The following ARHGAP24 variants were observed in gnomAD, a reference collection of about 807,000 sequenced individuals.
ARHGAP24 encodes the protein Rho GTPase activating protein 24, also known as rho GTPase-activating protein 24.
Under a neutral mutation model 76.4 loss-of-function variants are expected in ARHGAP24, and 50 were observed. That is an observed-to-expected ratio of 0.65 (90% confidence interval 0.52 to 0.83). The LOEUF (loss-of-function observed/expected upper bound fraction) is 0.83, where lower values mean the gene tolerates loss of function less well. Among genes scored for constraint, ARHGAP24 ranks in the 40% least tolerant of loss-of-function variants. The pLI, the probability that ARHGAP24 is intolerant of heterozygous loss-of-function variation, is 0.00. For synonymous variants in ARHGAP24, 345 were observed against 323.3 expected (o/e 1.07, Z -0.72); for missense variants, 930 against 914.2 (o/e 1.02, Z -0.22).
At chr4:85,925,030 G>A (rs989542206) in intron 4 of ARHGAP24, among the ~76,000 whole-genome samples, 5 of 152,132 alleles carry the variant, frequency 3.3e-5, no homozygotes, top group Non-Finnish European at 7.3e-5. Context: ...AAGTGACTAT[G>A]TAAAATATTT....
In ARHGAP24 at chr4:86,001,091, T is replaced by C. The variant is rs1275627001; in HGVS notation, c.*369T>C. On this transcript the variant is annotated 3_prime_UTR_variant, in exon 10 of 10. Coordinates refer to ENST00000395184, the MANE Select transcript of ARHGAP24 (RefSeq NM_001025616.3). ...CACCCCTTGCACTTAACATAAGCTA[T>C]TTTTGGCATTGTGTTATCATCGGCT... 1.0e-5 allele frequency: 4 copies of C among 399,798 alleles called. No individual in the cohort carries two copies. Among genetic ancestry groups the C allele is most frequent in the African/African-American group, 6.2e-5 (3 of 48,748 alleles). 24.8% of individuals were successfully genotyped at this position (399,798 alleles called of 1,614,324 possible).
chr4:85,988,030 C>T (rs941217149), intron 8 of ARHGAP24, among the ~76,000 whole-genome samples: 12 of 151,764 alleles, frequency 7.9e-5, no homozygotes, highest in East Asian at 1.9e-4. Flanking sequence ...CTTTGAAGTA[C>T]TGAAAAAAAT....
intron 2 of ARHGAP24, among the ~76,000 whole-genome samples, chr4:85,705,215 T>A (rs1724267470): frequency 6.6e-6 from 1 of 151,980 alleles, no homozygotes; most frequent in African/African-American, 2.4e-5. Context: ...ATTAATGAAA[T>A]ATGAGATTTT....
intron 5 of ARHGAP24, among the ~76,000 whole-genome samples, chr4:85,950,331 A>AG (rs983107984): frequency 1.9e-4 from 29 of 151,530 alleles, no homozygotes; most frequent in Non-Finnish European, 4.0e-4. Flanking sequence ...TCTCTACAAA[A>AG]AAAAAATCAA....
chr4:85,986,068 C>G (rs1439560266), intron 8 of ARHGAP24, among the ~76,000 whole-genome samples: 1 of 152,190 alleles, frequency 6.6e-6, no homozygotes, highest in Admixed American at 6.5e-5. Flanking sequence ...TTGCAGTCAA[C>G]TGACATGAAT....
At chr4:85,761,813 A>G (rs564758176) in intron 3 of ARHGAP24, among the ~76,000 whole-genome samples, 1 of 152,272 alleles carries the variant, frequency 6.6e-6, no homozygotes, top group South Asian at 2.1e-4. Flanking sequence ...GGTTACTACA[A>G]ACGCTTTAAC....
chr4:85,520,598 T>G (rs1390387968), intron 1 of ARHGAP24, among the ~76,000 whole-genome samples: 2 of 152,176 alleles, frequency 1.3e-5, no homozygotes, highest in African/African-American at 4.8e-5. Context: ...GCATTCTACC[T>G]TCCTACTTAT....
chr4:85,503,137 T>C (rs1043817762), intron 1 of ARHGAP24, among the ~76,000 whole-genome samples: 2 of 152,196 alleles, frequency 1.3e-5, no homozygotes, highest in Non-Finnish European at 2.9e-5. Context: ...TTACTAAGGA[T>C]TTTTGCATCG....
At chr4:85,733,810 C>T (rs1725506113) in intron 3 of ARHGAP24, among the ~76,000 whole-genome samples, 1 of 152,104 alleles carries the variant, frequency 6.6e-6, no homozygotes, top group African/African-American at 2.4e-5. Context: ...CCCTCATCAC[C>T]TCATTTTAAA....
intron 4 of ARHGAP24, among the ~76,000 whole-genome samples, chr4:85,933,769 C>T (rs1263079654): frequency 1.3e-5 from 2 of 152,170 alleles, no homozygotes; most frequent in Non-Finnish European, 2.9e-5. Flanking sequence ...GCACTTGGGT[C>T]TAGTCGTAAG....
chr4:85,803,926 A>C (rs1274408888), intron 3 of ARHGAP24, among the ~76,000 whole-genome samples: 1 of 151,732 alleles, frequency 6.6e-6, no homozygotes, highest in African/African-American at 2.4e-5. Context: ...ATAAATGGAC[A>C]AATTCTTTTT....
At chr4:85,918,264 A>T (rs1735530266) in intron 3 of ARHGAP24, among the ~76,000 whole-genome samples, 4 of 151,986 alleles carry the variant, frequency 2.6e-5, no homozygotes, top group Non-Finnish European at 4.4e-5. Flanking sequence ...TAAAATTTAT[A>T]TATCTACTTT....
intron 5 of ARHGAP24, among the ~76,000 whole-genome samples, chr4:85,971,047 T>C (rs1738941685): frequency 6.6e-6 from 1 of 152,214 alleles, no homozygotes; most frequent in African/African-American, 2.4e-5. Context: ...TAAAGGACGT[T>C]AAGTTTTCAT....
rs371412055 is a variant in ARHGAP24, at chr4:85,867,910, C to CATACATATATAT, written c.269-55735_269-55734insCATATATATATA. ...ATGTGTGTGTGTACATATATATATA[C>CATACATATATAT]ATATATGTACACACACACAAACCAA... is the stretch of plus-strand genomic sequence containing the variant. On this transcript the variant is annotated intron_variant, in intron 3 of 9. Transcript: ENST00000395184. Among the ~76,000 whole-genome samples, 7 of 144,270 alleles carry CATACATATATAT rather than the reference C, an allele frequency of 4.9e-5. No homozygotes were observed. In the South Asian group the frequency reaches 6.5e-4, roughly 13 times the overall value. The allele number at this position is 144,270 out of a possible 152,430, so 94.6% of individuals were successfully genotyped here. A position where few individuals can be genotyped will look rare whatever the true frequency, so the allele number is the denominator to read the frequency against.
chr4:85,973,871 C>T (rs1384553503), intron 6 of ARHGAP24, among the ~76,000 whole-genome samples: 5 of 99,502 alleles, frequency 5.0e-5, no homozygotes, highest in African/African-American at 9.5e-5. Flanking sequence ...GAGACAGAGT[C>T]TTGCTCTGTG....
intron 3 of ARHGAP24, among the ~76,000 whole-genome samples, chr4:85,741,636 TG>T (rs560925474): frequency 3.3e-4 from 50 of 152,324 alleles, no homozygotes; most frequent in African/African-American, 1.1e-3. Context: ...TACCTGGATG[TG>T]GGCCATTTTC....
At chr4:85,744,293 A>G (rs565530752) in intron 3 of ARHGAP24, among the ~76,000 whole-genome samples, 99 of 152,222 alleles carry the variant, frequency 6.5e-4, no homozygotes, top group Middle Eastern at 3.2e-3. Flanking sequence ...TGGAGAGGCA[A>G]GGAGTCTGGC....
chr4:85,585,021 A>G (rs192429920), intron 2 of ARHGAP24, among the ~76,000 whole-genome samples: 1 of 152,334 alleles, frequency 6.6e-6, no homozygotes, highest in East Asian at 1.9e-4. Flanking sequence ...AGAGCTTGCT[A>G]AAACCCATCT....
intron 2 of ARHGAP24, among the ~76,000 whole-genome samples, chr4:85,706,521 T>G (rs891757507): frequency 3.3e-5 from 5 of 152,028 alleles, no homozygotes; most frequent in Non-Finnish European, 7.4e-5. Context: ...CAAAACACAT[T>G]TCCCTGAAAC....
Sources: allele counts gnomAD v4.1 joint callset (sites outside exome capture counted in the v4.1 genomes callset), GRCh38; gene constraint gnomAD v4.1.1; transcripts MANE v1.5; gene names NCBI Gene and HGNC (gene_info 2026-07-23, HGNC 2026-07-21).